Variants in SCAPER observed in about 807,000 individuals in gnomAD.
SCAPER encodes the protein S-phase cyclin A associated protein in the ER.
SCAPER carries 98 observed loss-of-function variants against 182.2 expected under a neutral mutation model. That is an observed-to-expected ratio of 0.54 (90% CI 0.46 to 0.64). The LOEUF is 0.64. Among genes scored for constraint, SCAPER ranks in the 30% least tolerant of loss-of-function variants. SCAPER has a pLI of 0.00. For missense variants in SCAPER, 1,432 were observed against 1,690.0 expected (o/e 0.85, Z 2.68); for synonymous variants, 605 against 564.6 (o/e 1.07, Z -1.01).
intron 1 of SCAPER, among the ~76,000 whole-genome samples, chr15:76,899,398 G>T (rs759977928): frequency 6.6e-6 from 1 of 152,168 alleles, no homozygotes; most frequent in Non-Finnish European, 1.5e-5. Flanking sequence ...TCCTGGCCTC[G>T]GATGAACTGC....
intron 25 of SCAPER, among the ~76,000 whole-genome samples, chr15:76,461,566 T>G (rs2049180240): frequency 1.3e-5 from 2 of 152,098 alleles, no homozygotes. Flanking sequence ...TATTTTCTAG[T>G]TTTTAAATTT....
At chr15:76,774,825 G>T in intron 9 of SCAPER, 30 bp downstream of exon 9, 1 of 1,580,586 alleles carries the variant, frequency 6.3e-7, no homozygotes, top group Non-Finnish European at 8.6e-7. Flanking sequence ...CTTTGAAAAA[G>T]ACAGTAAAAG....
At chr15:76,726,156 A>AG (rs56986282) in intron 17 of SCAPER, among the ~76,000 whole-genome samples, 1 of 79,724 alleles carries the variant, frequency 1.3e-5, no homozygotes, top group Admixed American at 1.6e-4. Flanking sequence ...TATATATATA[A>AG]AAAACTCTAT....
intron 20 of SCAPER, among the ~76,000 whole-genome samples, chr15:76,693,319 T>C (rs1393488017): frequency 6.6e-6 from 1 of 152,154 alleles, no homozygotes; most frequent in Non-Finnish European, 1.5e-5. Flanking sequence ...TGGCTGCTAT[T>C]AAAAAATTGA....
At chr15:76,692,271 A>C (rs2058402858) in intron 20 of SCAPER, among the ~76,000 whole-genome samples, 1 of 152,220 alleles carries the variant, frequency 6.6e-6, no homozygotes, top group African/African-American at 2.4e-5. Flanking sequence ...AAATGAGTGG[A>C]AGTGAGTAAT....
At chr15:76,633,773 AC>A (rs1295923364) in intron 21 of SCAPER, among the ~76,000 whole-genome samples, 4 of 152,158 alleles carry the variant, frequency 2.6e-5, no homozygotes, top group Non-Finnish European at 5.9e-5. Flanking sequence ...TCTTACTGGC[AC>A]CTGCAGCAGG....
At chr15:76,398,360 G>C (rs1184859838) in intron 27 of SCAPER, among the ~76,000 whole-genome samples, 1 of 152,186 alleles carries the variant, frequency 6.6e-6, no homozygotes, top group Non-Finnish European at 1.5e-5. Flanking sequence ...TTGTACTGTA[G>C]ATAGTTGTAT....
chr15:76,443,193 T>C (rs2047740940), intron 25 of SCAPER, among the ~76,000 whole-genome samples: 1 of 152,190 alleles, frequency 6.6e-6, no homozygotes, highest in Non-Finnish European at 1.5e-5. Flanking sequence ...ATAAGAGGTC[T>C]TCAAAATGTT....
chr15:76,739,647 T>C (rs1004457361), intron 15 of SCAPER, among the ~76,000 whole-genome samples: 1 of 152,206 alleles, frequency 6.6e-6, no homozygotes, highest in Admixed American at 6.5e-5. Flanking sequence ...AATCTGAAAC[T>C]TATGAATTGT....
At chr15:76,432,018 T>C (rs1302893343) in intron 26 of SCAPER, among the ~76,000 whole-genome samples, 1 of 152,206 alleles carries the variant, frequency 6.6e-6, no homozygotes, top group East Asian at 1.9e-4. Context: ...TGTGAAAATG[T>C]ACGTATTTCC....
At chr15:76,416,778 A>G (rs1220962908) in intron 26 of SCAPER, among the ~76,000 whole-genome samples, 1 of 152,272 alleles carries the variant, frequency 6.6e-6, no homozygotes, top group Non-Finnish European at 1.5e-5. Context: ...GAAAAAGTAA[A>G]AAACTAAAAT....
At position 76,603,727 on chromosome 15, in the gene SCAPER, CTGGTGTGAGATGGTATCTCA is replaced by C. The variant is rs2050106045; in HGVS notation, c.2711+18017_2711+18036del. On this transcript the variant is annotated intron_variant, in intron 22 of 31. Transcript: ENST00000563290. ...GACTTTTTAATGATCGCCATTCTAACTGGTGTGAGATGGTATCTCATTGTGGTTTTGATTTGCATTTCTCT... is the reference window on the plus strand; with the variant it reads ...GACTTTTTAATGATCGCCATTCTAACTTGTGGTTTTGATTTGCATTTCTCT... Among the ~76,000 whole-genome samples the C allele has an allele frequency of 3.3e-5, 4 of 121,730 alleles. No homozygotes were observed. The South Asian group carries it at 1.0e-3, about 31-fold the overall frequency. 79.9% of individuals were successfully genotyped at this position (121,730 alleles called of 152,430 possible). A position where few individuals can be genotyped will look rare whatever the true frequency, so the allele number is the denominator to read the frequency against.
chr15:76,469,141 T>C lies in SCAPER; in HGVS notation c.3078+2071A>G, dbSNP rs566536458. Among the ~76,000 whole-genome samples, 83 of 152,282 alleles carry C rather than the reference T, an allele frequency of 5.5e-4. 2 individuals are homozygous for C. In the South Asian group the frequency reaches 0.012, roughly 22 times the overall value. On this transcript the variant is annotated intron_variant, in intron 25 of 31. Coordinates refer to ENST00000563290, the MANE Select transcript of SCAPER (RefSeq NM_020843.4). ...GCAGAACCAAGATTCTTTCTTTAAG[T>C]CTTCTTGTTCATTCCCTCACATTTC...
At chr15:76,632,568 T>G (rs1281439666) in intron 21 of SCAPER, among the ~76,000 whole-genome samples, 1 of 152,078 alleles carries the variant, frequency 6.6e-6, no homozygotes, top group Non-Finnish European at 1.5e-5. Flanking sequence ...CTCAGCAAAG[T>G]TCATTATTAC....
At chr15:76,778,643 A>ATGTGTGTG (rs60597958) in intron 8 of SCAPER, among the ~76,000 whole-genome samples, 109 of 148,744 alleles carry the variant, frequency 7.3e-4, no homozygotes, top group African/African-American at 2.5e-3. Context: ...GTGTGAGTGT[A>ATGTGTGTG]TGTGTGTGTG....
Position 76,649,536 on chromosome 15 carries a change from A to T in SCAPER, c.2645+16117T>A, listed in dbSNP as rs116344273. ...TACTTAAAACCATGATATGGAAAAA[A>T]ATATATATATATGCATTTTTAATAT... is the stretch of plus-strand genomic sequence containing the variant. On this transcript the variant is annotated intron_variant, in intron 21 of 31. Transcript: ENST00000563290. Among the ~76,000 whole-genome samples the T allele has an allele frequency of 9.7e-3, 1,464 of 151,150 alleles. 21 individuals carry two copies. Among genetic ancestry groups the T allele is most frequent in the African/African-American group, 0.033 (1,362 of 41,366 alleles).
chr15:76,647,511 G>T (rs376371574), intron 21 of SCAPER, among the ~76,000 whole-genome samples: 1 of 152,288 alleles, frequency 6.6e-6, no homozygotes, highest in East Asian at 1.9e-4. Flanking sequence ...GCTACATATC[G>T]GGGAAGGGTT....
intron 17 of SCAPER, among the ~76,000 whole-genome samples, chr15:76,714,946 T>C (rs1279471982): frequency 1.3e-5 from 2 of 151,890 alleles, no homozygotes; most frequent in Non-Finnish European, 2.9e-5. Flanking sequence ...TATTTCCATA[T>C]TAAAAAAAAC....
intron 17 of SCAPER, 106 bp downstream of exon 17, chr15:76,728,489 C>T: frequency 6.8e-7 from 1 of 1,470,368 alleles, no homozygotes; most frequent in Non-Finnish European, 9.3e-7. Context: ...GGGAACATCG[C>T]AAAACCTCAT....
Sources: gnomAD v4.1 joint callset for allele counts (sites outside exome capture counted in the v4.1 genomes callset) on GRCh38, gnomAD v4.1.1 for gene constraint, MANE v1.5 for transcripts, NCBI Gene and HGNC (gene_info 2026-07-23, HGNC 2026-07-21) for gene names.